Variants in DIP2C observed in about 807,000 individuals in gnomAD.
DIP2C encodes the protein DIP2 acetate--CoA ligase C (putative).
A neutral mutation model predicts 192.4 loss-of-function variants in DIP2C; 33 were observed. The observed-to-expected ratio is 0.17, with a 90% CI of 0.13 to 0.23. The LOEUF is 0.23. Ranked by LOEUF, DIP2C falls within the 10% of genes least tolerant of loss-of-function variation. The probability of loss-of-function intolerance (pLI) is 1.00; values close to 1 mark genes in which losing one functional copy is unlikely to be tolerated. For missense variants in DIP2C, 1,537 were observed against 2,110.1 expected (o/e 0.73, Z 5.32); for synonymous variants, 979 against 864.1 (o/e 1.13, Z -2.33).
At chr10:624,328 C>G (rs530800119) in intron 1 of DIP2C, among the ~76,000 whole-genome samples, 1 of 152,192 alleles carries the variant, frequency 6.6e-6, no homozygotes, top group Non-Finnish European at 1.5e-5. Context: ...GGGGCCCTCA[C>G]GCTGCAGGTG....
chr10:632,437 C>T lies in DIP2C; in HGVS notation c.85+57057G>A, dbSNP rs1854577131. Among the ~76,000 whole-genome samples the T allele has an allele frequency of 2.9e-5, 4 of 139,194 alleles. No homozygotes were observed. The South Asian group carries it at 1.0e-3, about 36-fold the overall frequency. 91.3% of individuals were successfully genotyped at this position (139,194 alleles called of 152,430 possible). A position where few individuals can be genotyped will look rare whatever the true frequency, so the allele number is the denominator to read the frequency against. ...GCACCGTAACTGGAGACCATGCGGG[C>T]ACCGGTGTGAACTCAGACCCGACGG... On this transcript the variant is annotated intron_variant, in intron 1 of 36. Coordinates refer to ENST00000280886, the MANE Select transcript of DIP2C (RefSeq NM_014974.3).
chr10:544,750 C>T (rs907563132), intron 1 of DIP2C, among the ~76,000 whole-genome samples: 2 of 152,172 alleles, frequency 1.3e-5, no homozygotes, highest in African/African-American at 4.8e-5. Flanking sequence ...AATGTCTATT[C>T]AAATCCTTTG....
At chr10:423,077 C>A (rs374241642) in intron 4 of DIP2C, 44 bp from the exon 5 acceptor site, 1 of 1,522,580 alleles carries the variant, frequency 6.6e-7, no homozygotes, top group Non-Finnish European at 8.9e-7. Flanking sequence ...GCAGCAAAAA[C>A]GTGCACCACA....
At chr10:579,021 GTACA>G (rs903063361) in intron 1 of DIP2C, among the ~76,000 whole-genome samples, 1 of 151,932 alleles carries the variant, frequency 6.6e-6, no homozygotes, top group African/African-American at 2.4e-5. Context: ...GTGGTAGAGC[GTACA>G]TACATCCAGA....
At chr10:513,976 A>G (rs1846190815) in intron 1 of DIP2C, among the ~76,000 whole-genome samples, 1 of 152,218 alleles carries the variant, frequency 6.6e-6, no homozygotes, top group African/African-American at 2.4e-5. Context: ...AAATGTGTAC[A>G]GTCTTGGCAA....
At chr10:308,046 G>A (rs1378579670) in intron 32 of DIP2C, among the ~76,000 whole-genome samples, 11 of 149,400 alleles carry the variant, frequency 7.4e-5, no homozygotes, top group Non-Finnish European at 1.5e-4. Flanking sequence ...GAGGGTTCAG[G>A]GGTGCCTGGG....
intron 32 of DIP2C, among the ~76,000 whole-genome samples, chr10:292,746 A>T (rs954406961): frequency 1.8e-4 from 28 of 152,280 alleles, no homozygotes; most frequent in African/African-American, 6.0e-4. Flanking sequence ...CAGGTTTTTC[A>T]TCATTTGTCT....
intron 1 of DIP2C, among the ~76,000 whole-genome samples, chr10:492,429 A>G (rs1844512777): frequency 6.6e-6 from 1 of 152,252 alleles, no homozygotes; most frequent in Non-Finnish European, 1.5e-5. Flanking sequence ...TTTCCAGTGC[A>G]AGCATCGGCA....
intron 1 of DIP2C, among the ~76,000 whole-genome samples, chr10:491,033 T>C (rs1220858504): frequency 6.6e-6 from 1 of 152,212 alleles, no homozygotes; most frequent in Non-Finnish European, 1.5e-5. Flanking sequence ...AAGGTCTGCC[T>C]GGCAAACGCA....
chr10:274,252 C>CA lies in DIP2C; in HGVS notation c.*3072dup, dbSNP rs1954403722. 6.6e-6 allele frequency: 1 copy of CA among 152,116 alleles called. No homozygotes were observed. The highest frequency in any genetic ancestry group is 1.5e-5 in the Non-Finnish European group (1 of 68,008). The allele number at this position is 152,116 out of a possible 1,614,324, so 9.4% of individuals were successfully genotyped here. A position where few individuals can be genotyped will look rare whatever the true frequency, so the allele number is the denominator to read the frequency against. ...TAAAAGAATTAAAAAAAACATTTCA[C>CA]AAAACATTTGTTGCCATAGGAATTA... is the stretch of plus-strand genomic sequence containing the variant. On this transcript the variant is annotated 3_prime_UTR_variant, in exon 37 of 37. Transcript: ENST00000280886.
At chr10:366,478 G>A (rs560385531) in intron 18 of DIP2C, 67 bp from the exon 19 acceptor site, 4 of 1,604,040 alleles carry the variant, frequency 2.5e-6, no homozygotes, top group East Asian at 2.2e-5. Flanking sequence ...AGGAAACAGG[G>A]AAGACGCGAA....
chr10:537,817 A>G (rs1847777379), intron 1 of DIP2C, among the ~76,000 whole-genome samples: 1 of 150,958 alleles, frequency 6.6e-6, no homozygotes, highest in African/African-American at 2.4e-5. Context: ...CCCGAGACCG[A>G]GTCTCGCTCT....
intron 1 of DIP2C, among the ~76,000 whole-genome samples, chr10:590,537 A>G (rs1418979752): frequency 6.6e-6 from 1 of 152,208 alleles, no homozygotes; most frequent in Non-Finnish European, 1.5e-5. Flanking sequence ...TTCATCAACG[A>G]TGCAGGTGCC....
intron 1 of DIP2C, among the ~76,000 whole-genome samples, chr10:558,953 C>T (rs1161493092): frequency 6.6e-6 from 1 of 151,864 alleles, no homozygotes; most frequent in Non-Finnish European, 1.5e-5. Context: ...AGCCCAACCC[C>T]TCCCCCGGCA....
intron 1 of DIP2C, among the ~76,000 whole-genome samples, chr10:578,416 CTA>C (rs1850320162): frequency 6.6e-6 from 1 of 152,166 alleles, no homozygotes; most frequent in Non-Finnish European, 1.5e-5. Flanking sequence ...TAGACAGCTG[CTA>C]TATTAGTTCT....
chr10:662,100 G>T lies in DIP2C; in HGVS notation c.85+27394C>A, dbSNP rs1405677298. ...ACGATTCTCTCCGAAGCCCTCAGTG[G>T]CTTCCTAGTATCTGACAGGTAAGGA... On this transcript the variant is annotated intron_variant, in intron 1 of 36. Coordinates refer to ENST00000280886, the MANE Select transcript of DIP2C (RefSeq NM_014974.3). The T allele has an allele frequency of 7.0e-6, 5 of 717,302 alleles. No individual in the cohort carries two copies. The Admixed American group carries it at 8.0e-5, about 11-fold the overall frequency. 44.4% of individuals were successfully genotyped at this position (717,302 alleles called of 1,614,324 possible).
At chr10:291,677 C>T (rs1955504745) in intron 32 of DIP2C, among the ~76,000 whole-genome samples, 1 of 152,220 alleles carries the variant, frequency 6.6e-6, no homozygotes, top group Admixed American at 6.5e-5. Context: ...TCAAAGTGTG[C>T]TGCTCGGTGC....
chr10:663,102 C>G, intron 1 of DIP2C: 1 of 564,072 alleles, frequency 1.8e-6, no homozygotes, highest in Non-Finnish European at 3.2e-6. Flanking sequence ...GCAGCCTGGT[C>G]TGCAGAGGGG....
chr10:575,519 A>G (rs1434730014), intron 1 of DIP2C, among the ~76,000 whole-genome samples: 1 of 152,180 alleles, frequency 6.6e-6, no homozygotes, highest in Non-Finnish European at 1.5e-5. Context: ...AGCTCTGCTG[A>G]GAGTGTCAAG....
Sources: allele counts gnomAD v4.1 joint callset (sites outside exome capture counted in the v4.1 genomes callset), GRCh38; gene constraint gnomAD v4.1.1; transcripts MANE v1.5; gene names NCBI Gene and HGNC (gene_info 2026-07-23, HGNC 2026-07-21).